Variants in ZMIZ1 observed in about 807,000 individuals in gnomAD.
ZMIZ1 encodes zinc finger MIZ-type containing 1, also known as zinc finger MIZ domain-containing protein 1.
A neutral mutation model predicts 113.9 loss-of-function variants in ZMIZ1; 17 were observed. The ratio of observed to expected loss-of-function variants is 0.15; its 90% confidence interval spans 0.10 to 0.22. The LOEUF (loss-of-function observed/expected upper bound fraction) is 0.22. ZMIZ1 is among the 10% of genes least tolerant of loss of function. The pLI, the probability that ZMIZ1 is intolerant of heterozygous loss-of-function variation, is 1.00. For synonymous variants in ZMIZ1, 607 were observed against 603.1 expected, an observed-to-expected ratio of 1.01 and a Z score of -0.09; for missense variants, 1,059 against 1,477.8, an observed-to-expected ratio of 0.72 and a Z score of 4.65.
Position 79,307,533 on chromosome 10 carries a change from G to A in ZMIZ1, c.2797G>A (p.Ala933Thr), listed in dbSNP as rs564013110. The change falls in exon 23 of 25, where the codon GCC becomes ACC. Residue 933 changes from alanine (A) to threonine (T), a missense_variant. By Grantham distance (58) the Ala-to-Thr change is moderately conservative. Around this residue, in one of 6 missense-constraint regions of ZMIZ1, gnomAD observed 225 missense variants for 276.0 expected, o/e 0.82. Coordinates refer to ENST00000334512, the MANE Select transcript of ZMIZ1 (RefSeq NM_020338.4). ...CCCGGACATGCCCAACAACATGGCCGCCCTCGAGAAACCCCTCAGCCACCC... is the reference window on the plus strand; with the variant it reads ...CCCGGACATGCCCAACAACATGGCCACCCTCGAGAAACCCCTCAGCCACCC... ...HPPDMPNNMA[A>T]LEKPLSHPMQ... The A allele has an allele frequency of 3.1e-5, 49 of 1,594,402 alleles. No homozygotes were observed. Among genetic ancestry groups the A allele is most frequent in the African/African-American group, 5.8e-5 (4 of 68,510 alleles).
intron 1 of ZMIZ1, among the ~76,000 whole-genome samples, chr10:79,097,105 C>T (rs376938325): frequency 8.5e-5 from 13 of 152,198 alleles, no homozygotes; most frequent in African/African-American, 1.2e-4. Context: ...CACTTGCCCC[C>T]GGGTCGCCAG....
At chr10:79,192,121 G>A (rs1013746189) in intron 4 of ZMIZ1, among the ~76,000 whole-genome samples, 1 of 152,252 alleles carries the variant, frequency 6.6e-6, no homozygotes, top group Non-Finnish European at 1.5e-5. Flanking sequence ...GGGATTTGGA[G>A]TATGGCCAGA....
intron 3 of ZMIZ1, among the ~76,000 whole-genome samples, chr10:79,143,983 G>C (rs1257849462): frequency 6.6e-6 from 1 of 152,202 alleles, no homozygotes; most frequent in East Asian, 1.9e-4. Context: ...AAGTCAGGGG[G>C]AGATGCCCCT....
At chr10:79,288,808 A>G (rs1853268372) in intron 8 of ZMIZ1, among the ~76,000 whole-genome samples, 3 of 152,120 alleles carry the variant, frequency 2.0e-5, no homozygotes, top group South Asian at 2.1e-4. Flanking sequence ...ATCACTGGAC[A>G]CTCACTGTAG....
intron 7 of ZMIZ1, among the ~76,000 whole-genome samples, chr10:79,241,932 C>A (rs1226257964): frequency 6.6e-6 from 1 of 152,126 alleles, no homozygotes; most frequent in African/African-American, 2.4e-5. Flanking sequence ...ACAGTCATGG[C>A]TGCCCTTCTT....
chr10:79,282,820 A>C (rs1245766724), intron 8 of ZMIZ1, among the ~76,000 whole-genome samples: 1 of 152,196 alleles, frequency 6.6e-6, no homozygotes, highest in Non-Finnish European at 1.5e-5. Flanking sequence ...TTTTGTCCTC[A>C]TCACTGGCTG....
intron 13 of ZMIZ1, among the ~76,000 whole-genome samples, chr10:79,297,312 C>CA (rs1481153742): frequency 6.6e-6 from 1 of 152,122 alleles, no homozygotes; most frequent in Non-Finnish European, 1.5e-5. Flanking sequence ...ATTTATTTGC[C>CA]AAAAATCATG....
chr10:79,147,476 C>T (rs907731223), intron 3 of ZMIZ1, among the ~76,000 whole-genome samples: 7 of 152,160 alleles, frequency 4.6e-5, no homozygotes, highest in Non-Finnish European at 1.0e-4. Flanking sequence ...GGAAGCCAGG[C>T]CTCCCGTGTG....
intron 3 of ZMIZ1, among the ~76,000 whole-genome samples, chr10:79,153,335 C>T: frequency 6.6e-6 from 1 of 152,242 alleles, no homozygotes; most frequent in East Asian, 1.9e-4. Flanking sequence ...AGGGCATTGG[C>T]AGGCATCGTT....
intron 7 of ZMIZ1, among the ~76,000 whole-genome samples, chr10:79,232,739 T>A (rs1431289221): frequency 1.3e-5 from 2 of 152,194 alleles, no homozygotes; most frequent in African/African-American, 4.8e-5. Context: ...TGCATGCACA[T>A]CCTCTCCTTT....
chr10:79,127,123 G>T (rs141262353), intron 2 of ZMIZ1, among the ~76,000 whole-genome samples: 18 of 152,290 alleles, frequency 1.2e-4, no homozygotes, highest in Non-Finnish European at 2.6e-4. Context: ...GGACAGGGAG[G>T]GGACAATATT....
chr10:79,106,163 C>A (rs1382071930), intron 1 of ZMIZ1, among the ~76,000 whole-genome samples: 3 of 152,230 alleles, frequency 2.0e-5, no homozygotes, highest in Non-Finnish European at 4.4e-5. Flanking sequence ...CTGTGCCTCT[C>A]CATTGAAGTT....
Position 79,201,657 on chromosome 10 carries a change from C to G in ZMIZ1, c.25C>G (p.Gln9Glu). ...AATGAATTCTATGGACAGGCACATC[C>G]AGCAGACCAATGACCGACTGCAGTG... Reference protein sequence around the residue: MNSMDRHIQQTNDRLQCIK... With the variant: MNSMDRHIEQTNDRLQCIK... The change falls in exon 5 of 25, where the codon CAG becomes GAG. Residue 9 changes from glutamine to glutamate, a missense_variant. Transcript: ENST00000334512. 1 of 1,613,692 alleles carries G rather than the reference C, an allele frequency of 6.2e-7. No homozygotes were observed.
chr10:79,082,005 C>G (rs897230767), intron 1 of ZMIZ1, among the ~76,000 whole-genome samples: 4 of 152,250 alleles, frequency 2.6e-5, no homozygotes, highest in African/African-American at 7.2e-5. Context: ...AGAGCTGGAG[C>G]TAAAATCCAG....
At position 79,069,366 on chromosome 10, in the gene ZMIZ1, G is replaced by A. The variant is rs1589235576; in HGVS notation, c.-337+96G>A. The A allele has an allele frequency of 6.6e-6, 1 of 150,726 alleles. No homozygotes were observed. Among genetic ancestry groups the A allele is most frequent in the East Asian group, 1.9e-4 (1 of 5,148 alleles). The allele number at this position is 150,726 out of a possible 1,614,324, so 9.3% of individuals were successfully genotyped here. ...GTGCAAGCGTGGGGATTGGGTGCTG[G>A]GGTTTTTCCCTTAAAGTGTCCCCCG... On this transcript the variant is annotated intron_variant, in intron 1 of 24. Coordinates refer to ENST00000334512, the MANE Select transcript of ZMIZ1 (RefSeq NM_020338.4). This position sits in a 1 kb window ranked among gnomAD's most constrained non-coding sequence, Gnocchi z 4.6.
intron 11 of ZMIZ1, among the ~76,000 whole-genome samples, chr10:79,292,568 G>C (rs2132033965): frequency 6.6e-6 from 1 of 152,308 alleles, no homozygotes; most frequent in South Asian, 2.1e-4. Flanking sequence ...GTGTGCTTGG[G>C]TGTGGTGGGG....
chr10:79,298,951 C>G (rs1281327561), intron 15 of ZMIZ1, 99 bp from the exon 16 acceptor site: 1 of 1,466,452 alleles, frequency 6.8e-7, no homozygotes, highest in South Asian at 1.4e-5. Flanking sequence ...CCCTGCCTTC[C>G]TCTGAGCATG....
intron 3 of ZMIZ1, among the ~76,000 whole-genome samples, chr10:79,142,049 T>C (rs916785004): frequency 1.3e-5 from 2 of 152,054 alleles, no homozygotes; most frequent in Non-Finnish European, 2.9e-5. Flanking sequence ...GTGGAGGATT[T>C]AAAAAGACGG....
intron 7 of ZMIZ1, among the ~76,000 whole-genome samples, chr10:79,219,371 A>G (rs559305485): frequency 3.8e-4 from 58 of 152,306 alleles, no homozygotes; most frequent in African/African-American, 1.4e-3. Flanking sequence ...GACACAGAAT[A>G]CTATCTACAT....
Sources: gnomAD v4.1 joint callset for allele counts (sites outside exome capture counted in the v4.1 genomes callset) on GRCh38, gnomAD v4.1.1 for gene constraint, gnomAD v4.1.1 regional missense constraint, Gnocchi (gnomAD v3.1) non-coding constraint, MANE v1.5 for transcripts, NCBI Gene and HGNC (gene_info 2026-07-23, HGNC 2026-07-21) for gene names.